Variants in ANKS1B observed in about 807,000 individuals in gnomAD.
The protein encoded by ANKS1B is ankyrin repeat and sterile alpha motif domain-containing protein 1B.
A neutral mutation model predicts 148.3 loss-of-function variants in ANKS1B; 36 were observed. The observed-to-expected ratio is 0.24, with a 90% CI of 0.19 to 0.32. ANKS1B has a LOEUF of 0.32. Among genes scored for constraint, ANKS1B ranks in the 10% least tolerant of loss-of-function variants. ANKS1B has a pLI of 1.00. For missense variants in ANKS1B, 1,157 were observed against 1,542.6 expected, an observed-to-expected ratio of 0.75 and a Z score of 4.19; for synonymous variants, 542 against 560.8, an observed-to-expected ratio of 0.97 and a Z score of 0.47.
chr12:98,922,284 C>A (rs2099802434), intron 17 of ANKS1B, among the ~76,000 whole-genome samples: 1 of 151,740 alleles, frequency 6.6e-6, no homozygotes, highest in African/African-American at 2.4e-5. Flanking sequence ...TTTCATTCCT[C>A]TAGTACTCTG....
At chr12:98,762,470 C>G (rs545304294) in intron 25 of ANKS1B, among the ~76,000 whole-genome samples, 73 of 152,330 alleles carry the variant, frequency 4.8e-4, no homozygotes, top group African/African-American at 1.3e-3. Flanking sequence ...GAGGCAGTCA[C>G]CACCAACGGG....
intron 12 of ANKS1B, among the ~76,000 whole-genome samples, chr12:99,248,242 A>G (rs2074119740): frequency 6.6e-6 from 1 of 152,180 alleles, no homozygotes. Context: ...TATAGTGAAG[A>G]TTGGCCCCAG....
chr12:99,497,898 C>A (rs1203516867), intron 10 of ANKS1B, among the ~76,000 whole-genome samples: 1 of 151,972 alleles, frequency 6.6e-6, no homozygotes, highest in East Asian at 1.9e-4. Flanking sequence ...TCATGCAGTT[C>A]TTGTATAGAG....
At chr12:99,247,499 C>T (rs973775246) in intron 12 of ANKS1B, among the ~76,000 whole-genome samples, 8 of 152,062 alleles carry the variant, frequency 5.3e-5, no homozygotes, top group Non-Finnish European at 8.8e-5. Context: ...AGAGAGACTC[C>T]AATATAAGAA....
At chr12:99,636,604 A>T (rs545761066) in intron 9 of ANKS1B, among the ~76,000 whole-genome samples, 17 of 152,006 alleles carry the variant, frequency 1.1e-4, no homozygotes, top group East Asian at 1.9e-4. Context: ...AATTTTTTTT[A>T]AAAAACTGGC....
At chr12:99,046,627 G>A (rs2099962544) in intron 17 of ANKS1B, among the ~76,000 whole-genome samples, 1 of 151,770 alleles carries the variant, frequency 6.6e-6, no homozygotes, top group Admixed American at 6.6e-5. Context: ...CTGAAACCCC[G>A]TCTCTACTAA....
chr12:99,846,913 A>G (rs2086756511), intron 1 of ANKS1B, among the ~76,000 whole-genome samples: 1 of 152,062 alleles, frequency 6.6e-6, no homozygotes, highest in Admixed American at 6.6e-5. Context: ...CTCCCCTCCC[A>G]TAGGTGTAGA....
intron 4 of ANKS1B, among the ~76,000 whole-genome samples, chr12:99,787,326 G>A (rs144422856): frequency 2.2e-4 from 33 of 152,136 alleles, no homozygotes; most frequent in African/African-American, 6.5e-4. Flanking sequence ...CCTTTGGCTC[G>A]GCACTTCCTC....
chr12:99,206,287 C>T (rs2082660639), intron 14 of ANKS1B, among the ~76,000 whole-genome samples: 1 of 152,164 alleles, frequency 6.6e-6, no homozygotes. Flanking sequence ...GCCTTTTACA[C>T]TTTATTAGGC....
intron 9 of ANKS1B, among the ~76,000 whole-genome samples, chr12:99,591,409 A>G (rs1441982167): frequency 6.6e-6 from 1 of 152,136 alleles, no homozygotes; most frequent in Non-Finnish European, 1.5e-5. Context: ...TTTCAGACTT[A>G]TAACAAGTGT....
intron 1 of ANKS1B, among the ~76,000 whole-genome samples, chr12:99,831,462 T>C (rs563633566): frequency 0.015 from 1,201 of 79,794 alleles, 16 homozygotes; most frequent in African/African-American, 0.064. Flanking sequence ...TTTTAAGAAA[T>C]TAATTAATAG....
chr12:98,744,113 C>T lies in ANKS1B; in HGVS notation c.*1626G>A. On this transcript the variant is annotated 3_prime_UTR_variant, in exon 27 of 27. Coordinates refer to ENST00000683438, the MANE Select transcript of ANKS1B (RefSeq NM_001352186.2). Reference sequence around the variant, plus strand: ...TTCAGCAAAGCTCCTATTAACTTTGCTCCTATACAATTGCCTCCTGGTACC... The same window carrying T: ...TTCAGCAAAGCTCCTATTAACTTTGTTCCTATACAATTGCCTCCTGGTACC... The T allele has an allele frequency of 1.0e-6, 1 of 985,560 alleles. No homozygotes were observed. The highest frequency in any genetic ancestry group is 1.2e-6 in the Non-Finnish European group (1 of 829,714). The allele number at this position is 985,560 out of a possible 1,614,324, so 61.1% of individuals were successfully genotyped here.
chr12:99,086,792 A>AT (rs935081221), intron 15 of ANKS1B, among the ~76,000 whole-genome samples: 12 of 152,102 alleles, frequency 7.9e-5, no homozygotes, highest in South Asian at 4.2e-4. Flanking sequence ...TCAGATCACT[A>AT]TTTTTTTTGA....
intron 12 of ANKS1B, chr12:99,344,907 G>A (rs2090453707): frequency 1.3e-5 from 2 of 152,130 alleles, no homozygotes; most frequent in South Asian, 2.1e-4. Flanking sequence ...TAAATAGGCT[G>A]CACTTCTCTC....
At position 99,332,372 on chromosome 12, in the gene ANKS1B, T is replaced by C. The variant is rs536976550; in HGVS notation, c.1756+67259A>G. Among the ~76,000 whole-genome samples, 3 of 152,188 alleles carry C rather than the reference T, an allele frequency of 2.0e-5. No individual in the cohort carries two copies. The East Asian group carries it at 5.8e-4, about 29-fold the overall frequency. ...ACAACTGTACATCATTTATTCATTC[T>C]CTTAACAAATACTCACTAAACACAG... On this transcript the variant is annotated intron_variant, in intron 12 of 26. Transcript: ENST00000683438.
chr12:99,629,854 G>C (rs1420927532), intron 9 of ANKS1B, among the ~76,000 whole-genome samples: 1 of 151,978 alleles, frequency 6.6e-6, no homozygotes, highest in South Asian at 2.1e-4. Context: ...CTTCAAGGTA[G>C]GTATAAGTTC....
intron 10 of ANKS1B, among the ~76,000 whole-genome samples, chr12:99,475,027 A>G (rs1454490340): frequency 6.6e-6 from 1 of 151,890 alleles, no homozygotes; most frequent in Non-Finnish European, 1.5e-5. Flanking sequence ...ATTTTAGGTC[A>G]GGAGTTTGAG....
At chr12:99,822,365 T>C (rs2082616336) in intron 2 of ANKS1B, among the ~76,000 whole-genome samples, 1 of 152,098 alleles carries the variant, frequency 6.6e-6, no homozygotes, top group Non-Finnish European at 1.5e-5. Flanking sequence ...GGGGATATAT[T>C]GTATGATGCT....
At chr12:99,564,541 T>C (rs2097369400) in intron 9 of ANKS1B, among the ~76,000 whole-genome samples, 1 of 152,174 alleles carries the variant, frequency 6.6e-6, no homozygotes, top group East Asian at 1.9e-4. Context: ...TAAGATAAAC[T>C]TGTATTTTCT....
Sources: allele counts gnomAD v4.1 joint callset (sites outside exome capture counted in the v4.1 genomes callset), GRCh38; gene constraint gnomAD v4.1.1; transcripts MANE v1.5; gene names NCBI Gene and HGNC (gene_info 2026-07-23, HGNC 2026-07-21).